The following GRID1 variants were observed in gnomAD, a reference collection of about 807,000 sequenced individuals.
GRID1 encodes the protein glutamate ionotropic receptor delta type subunit 1, also known as glutamate receptor ionotropic, delta-1.
GRID1 carries 28 observed loss-of-function variants against 98.0 expected under a neutral mutation model. That is an observed-to-expected ratio of 0.29 (90% confidence interval 0.21 to 0.39). GRID1 has a LOEUF of 0.39. GRID1 is among the 10% of genes least tolerant of loss of function. GRID1 has a pLI of 1.00. For synonymous variants in GRID1, 553 were observed against 538.5 expected (o/e 1.03, Z -0.37); for missense variants, 1,111 against 1,340.5 (o/e 0.83, Z 2.67).
At position 85,823,153 on chromosome 10, in the gene GRID1, G is replaced by A. The variant is rs148243459; in HGVS notation, c.1233+31343C>T. 9.0e-3 allele frequency among the ~76,000 whole-genome samples: 1,362 copies of A among 152,148 alleles called. 16 individuals are homozygous for A. Among genetic ancestry groups the A allele is most frequent in the Non-Finnish European group, 0.014 (922 of 67,990 alleles). On this transcript the variant is annotated intron_variant, in intron 8 of 15. Transcript: ENST00000327946. The stretch of plus-strand genomic sequence containing the variant: ...GTATACATATGTAACAAATCTGCAC[G>A]TTGTGCAAATGTACCCTAGAACTTA...
At chr10:85,968,966 G>T (rs1172960086) in intron 4 of GRID1, among the ~76,000 whole-genome samples, 1 of 152,106 alleles carries the variant, frequency 6.6e-6, no homozygotes, top group Non-Finnish European at 1.5e-5. Flanking sequence ...TAGTTTCAAA[G>T]ATATAATAGG....
At chr10:86,142,025 A>C (rs1357170821) in intron 3 of GRID1, among the ~76,000 whole-genome samples, 1 of 152,232 alleles carries the variant, frequency 6.6e-6, no homozygotes, top group Admixed American at 6.5e-5. Flanking sequence ...ACGCAAACAG[A>C]GGTTGAAAAA....
intron 4 of GRID1, among the ~76,000 whole-genome samples, chr10:86,134,756 T>A (rs923216061): frequency 6.6e-6 from 1 of 152,204 alleles, no homozygotes; most frequent in Non-Finnish European, 1.5e-5. Context: ...AGTTCATTCC[T>A]ACAGACCCAG....
intron 4 of GRID1, among the ~76,000 whole-genome samples, chr10:85,960,223 C>T (rs1842248663): frequency 1.3e-5 from 2 of 152,204 alleles, no homozygotes; most frequent in South Asian, 4.1e-4. Context: ...TATTTAGGAG[C>T]AGAATAGCAA....
chr10:86,083,794 G>A (rs543769985), intron 4 of GRID1, among the ~76,000 whole-genome samples: 4 of 152,328 alleles, frequency 2.6e-5, no homozygotes, highest in Admixed American at 2.0e-4. Context: ...GCACCCTGCA[G>A]GCAGCTTTCC....
chr10:86,288,734 A>G (rs1276601376), intron 2 of GRID1, among the ~76,000 whole-genome samples: 2 of 152,224 alleles, frequency 1.3e-5, no homozygotes, highest in East Asian at 1.9e-4. Flanking sequence ...GATAATGTCA[A>G]TCTGACAGTG....
chr10:86,177,486 G>A (rs962981573), intron 3 of GRID1, among the ~76,000 whole-genome samples: 6 of 152,062 alleles, frequency 3.9e-5, no homozygotes, highest in African/African-American at 1.4e-4. Flanking sequence ...AAGCTTTAGC[G>A]TGTGCATGCA....
rs575574551 is a variant in GRID1 at position 85,723,131 on chromosome 10, A to G, written c.1869T>C (p.Ser623=). 83 of 1,607,054 alleles carry G rather than the reference A, an allele frequency of 5.2e-5. No individual in the cohort carries two copies. Among genetic ancestry groups the G allele is most frequent in the Non-Finnish European group, 7.1e-5 (83 of 1,176,458 alleles). ...YGAFVQQGGE[S]SVNSMAMRIV... is the part of the protein sequence containing the mutation. ...TGCGCATGGCCATGGAGTTCACGGA[A>G]GATTCGCCACCTGCGGGAGGCAGAC... Residue 623 remains serine (S), a synonymous_variant, in exon 12 of 16, where the codon TCT becomes TCC. Coordinates refer to ENST00000327946, the MANE Select transcript of GRID1 (RefSeq NM_017551.3).
At chr10:86,151,277 C>T (rs917216739) in intron 3 of GRID1, among the ~76,000 whole-genome samples, 3 of 152,176 alleles carry the variant, frequency 2.0e-5, no homozygotes, top group Non-Finnish European at 2.9e-5. Context: ...GCCTGGCACA[C>T]ACATTTCCTC....
At chr10:86,290,819 T>G (rs887409330) in intron 2 of GRID1, among the ~76,000 whole-genome samples, 4 of 152,166 alleles carry the variant, frequency 2.6e-5, no homozygotes, top group African/African-American at 9.7e-5. Context: ...GCTTGGATCA[T>G]GAGGTGAGGG....
chr10:85,653,767 T>C (rs1297122993), intron 12 of GRID1, among the ~76,000 whole-genome samples: 1 of 152,076 alleles, frequency 6.6e-6, no homozygotes, highest in Non-Finnish European at 1.5e-5. Context: ...AAGAGAGGCT[T>C]TAGCTGGGAT....
At chr10:86,022,459 G>A (rs1352797169) in intron 4 of GRID1, among the ~76,000 whole-genome samples, 2 of 152,112 alleles carry the variant, frequency 1.3e-5, no homozygotes, top group East Asian at 3.9e-4. Flanking sequence ...CCCCTGGTCA[G>A]CCATGCTGCC....
chr10:85,936,646 C>G (rs1361016359), intron 4 of GRID1, among the ~76,000 whole-genome samples: 1 of 152,198 alleles, frequency 6.6e-6, no homozygotes, highest in Non-Finnish European at 1.5e-5. Context: ...TACTGGGAAG[C>G]TCAGAGCAGA....
intron 13 of GRID1, among the ~76,000 whole-genome samples, chr10:85,624,498 C>T (rs550837782): frequency 1.3e-5 from 2 of 152,308 alleles, no homozygotes; most frequent in South Asian, 4.1e-4. Context: ...CCCCACAGAG[C>T]CCTTCAGGAC....
chr10:85,828,879 A>C (rs896993581), intron 8 of GRID1, among the ~76,000 whole-genome samples: 2 of 152,186 alleles, frequency 1.3e-5, no homozygotes, highest in Non-Finnish European at 2.9e-5. Flanking sequence ...CACCAGGTGT[A>C]TAAAGAAGAG....
At chr10:86,296,925 C>T (rs774732113) in intron 2 of GRID1, among the ~76,000 whole-genome samples, 109 of 152,052 alleles carry the variant, frequency 7.2e-4, no homozygotes, top group Non-Finnish European at 1.3e-3. Flanking sequence ...AAGAGTATAA[C>T]TATTTAGAAA....
chr10:86,264,670 G>A (rs540214370), intron 2 of GRID1: 25 of 469,180 alleles, frequency 5.3e-5, no homozygotes, highest in Non-Finnish European at 1.1e-4. Context: ...TAACCAGAGA[G>A]AAGAGCCATG....
At chr10:85,687,088 T>C (rs940622344) in intron 12 of GRID1, among the ~76,000 whole-genome samples, 6 of 152,212 alleles carry the variant, frequency 3.9e-5, no homozygotes, top group Non-Finnish European at 8.8e-5. Context: ...ACCCGATAGT[T>C]GAAAGTACTG....
intron 8 of GRID1, among the ~76,000 whole-genome samples, chr10:85,827,544 A>C (rs1250007382): frequency 6.6e-6 from 1 of 152,190 alleles, no homozygotes; most frequent in African/African-American, 2.4e-5. Flanking sequence ...GAGTCACTGA[A>C]AGAGAGGAAG....
Sources: allele counts gnomAD v4.1 joint callset (sites outside exome capture counted in the v4.1 genomes callset), GRCh38; gene constraint gnomAD v4.1.1; transcripts MANE v1.5; gene names NCBI Gene and HGNC (gene_info 2026-07-23, HGNC 2026-07-21).